SLC18A2: variants seen among roughly 807,000 people sequenced by gnomAD.
The protein encoded by SLC18A2 is synaptic vesicular amine transporter.
SLC18A2 carries 33 observed loss-of-function variants against 59.2 expected under a neutral mutation model. That is an observed-to-expected ratio of 0.56 (90% confidence interval 0.42 to 0.75). The LOEUF (loss-of-function observed/expected upper bound fraction) is 0.75. SLC18A2 is among the 30% of genes least tolerant of loss of function. The pLI, the probability that SLC18A2 is intolerant of heterozygous loss-of-function variation, is 0.00. For missense variants in SLC18A2, 569 were observed against 668.6 expected, an observed-to-expected ratio of 0.85 and a Z score of 1.64; for synonymous variants, 228 against 253.5, an observed-to-expected ratio of 0.90 and a Z score of 0.95.
At chr10:117,265,403 G>A (rs530792198) in intron 10 of SLC18A2, among the ~76,000 whole-genome samples, 101 of 152,150 alleles carry the variant, frequency 6.6e-4, no homozygotes, top group African/African-American at 2.3e-3. Flanking sequence ...GCAGGCACTC[G>A]GTCATCTGAT....
At chr10:117,256,845 G>T (rs977853818) in intron 9 of SLC18A2, among the ~76,000 whole-genome samples, 4 of 152,198 alleles carry the variant, frequency 2.6e-5, no homozygotes, top group African/African-American at 9.6e-5. Flanking sequence ...GCACGTCTGA[G>T]CAGGGCTGTG....
At chr10:117,256,298 G>A (rs1844229316) in intron 9 of SLC18A2, among the ~76,000 whole-genome samples, 2 of 152,204 alleles carry the variant, frequency 1.3e-5, no homozygotes, top group Non-Finnish European at 1.5e-5. Flanking sequence ...CCAGTGGTAG[G>A]AGGCTGCCTG....
At chr10:117,250,548 C>T (rs887473019) in intron 3 of SLC18A2, among the ~76,000 whole-genome samples, 2 of 152,156 alleles carry the variant, frequency 1.3e-5, no homozygotes, top group Admixed American at 1.3e-4. Context: ...TAAAAAGAAC[C>T]CTCTGTAGGC....
In SLC18A2 at chr10:117,255,593, A is replaced by G. The variant is rs756499159; in HGVS notation, c.835-4A>G. 6.2e-7 allele frequency: 1 copy of G among 1,613,718 alleles called. No individual in the cohort carries two copies. Among genetic ancestry groups the G allele is most frequent in the South Asian group, 1.1e-5 (1 of 91,040 alleles). On this transcript the variant is annotated splice_polypyrimidine_tract_variant and splice_region_variant and intron_variant, in intron 8 of 15. Transcript: ENST00000644641. ...GCTTCTGACCCGTGTTTTTTTCTTGACAGAGTCAGAAGGGGACACCCCTAA... is the reference window on the plus strand; with the variant it reads ...GCTTCTGACCCGTGTTTTTTTCTTGGCAGAGTCAGAAGGGGACACCCCTAA...
intron 10 of SLC18A2, among the ~76,000 whole-genome samples, chr10:117,265,970 G>A (rs1384235336): frequency 5.9e-5 from 9 of 151,764 alleles, no homozygotes; most frequent in Non-Finnish European, 8.8e-5. Flanking sequence ...CATGCCTGTC[G>A]TCTCAGCTAC....
chr10:117,267,321 A>T (rs1006257734), intron 12 of SLC18A2: 1 of 458,794 alleles, frequency 2.2e-6, no homozygotes. Context: ...AGGACAACCA[A>T]CCTGAAACAA....
chr10:117,266,456 C>T (rs363262), intron 10 of SLC18A2, among the ~76,000 whole-genome samples: 15,829 of 152,216 alleles, frequency 0.1, 1,091 homozygotes, highest in East Asian at 0.34. Flanking sequence ...TATTGGCCCA[C>T]GTGTGAAGCC....
chr10:117,260,415 T>G (rs566850968), intron 10 of SLC18A2, among the ~76,000 whole-genome samples: 1 of 152,308 alleles, frequency 6.6e-6, no homozygotes, highest in African/African-American at 2.4e-5. Flanking sequence ...ATTCCAGCAT[T>G]CTCTGCGGTG....
At chr10:117,255,784 G>A in intron 9 of SLC18A2, 127 bp downstream of exon 9, 1 of 794,034 alleles carries the variant, frequency 1.3e-6, no homozygotes, top group Non-Finnish European at 2.0e-6. Flanking sequence ...TAAAAAAACA[G>A]AAAAGGCAAA....
intron 4 of SLC18A2, 120 bp from the exon 5 acceptor site, chr10:117,253,928 A>G (rs1844194101): frequency 1.2e-6 from 1 of 850,372 alleles, no homozygotes; most frequent in Non-Finnish European, 1.9e-6. Context: ...GAACAAAAGC[A>G]CAGGGTGGCT....
chr10:117,267,604 A>C, intron 12 of SLC18A2, 69 bp from the exon 13 acceptor site: 1 of 1,232,916 alleles, frequency 8.1e-7, no homozygotes, highest in Non-Finnish European at 1.2e-6. Flanking sequence ...ACACAAGTTC[A>C]AGACTTTCCG....
At chr10:117,257,969 T>A in intron 10 of SLC18A2, 77 bp downstream of exon 10, 4 of 960,672 alleles carry the variant, frequency 4.2e-6, no homozygotes, top group Non-Finnish European at 6.3e-6. Context: ...GCATCCCTGC[T>A]GAGTTGCCCT....
chr10:117,241,516 CGTG>C (rs1286868040), intron 1 of SLC18A2, 160 bp from the exon 2 acceptor site: 1 of 727,654 alleles, frequency 1.4e-6, no homozygotes, highest in Non-Finnish European at 2.0e-6. Context: ...CGCGGGCTCT[CGTG>C]GGGACGCGCT....
At chr10:117,246,866 C>A (rs956176356) in intron 3 of SLC18A2, among the ~76,000 whole-genome samples, 6 of 152,128 alleles carry the variant, frequency 3.9e-5, no homozygotes, top group Non-Finnish European at 8.8e-5. Context: ...GTTGGCCAAG[C>A]TGGTGTCGAA....
chr10:117,243,162 A>G (rs1208744027), intron 2 of SLC18A2, among the ~76,000 whole-genome samples: 1 of 152,216 alleles, frequency 6.6e-6, no homozygotes, highest in East Asian at 1.9e-4. Context: ...CCAAGTTATT[A>G]CTTCCTGCAG....
At position 117,278,394 on chromosome 10, in the gene SLC18A2, G is replaced by A. The variant is rs1844530115; in HGVS notation, c.*1128G>A. On this transcript the variant is annotated 3_prime_UTR_variant, in exon 16 of 16. Transcript: ENST00000644641. Reference sequence around the variant, plus strand: ...TAGTGATCAGGCAGAAAAGAAAAATGGAACATCTAAAAATGTATGTGCTAA... The same window carrying A: ...TAGTGATCAGGCAGAAAAGAAAAATAGAACATCTAAAAATGTATGTGCTAA... The A allele has an allele frequency of 6.6e-6, 1 of 152,186 alleles. No individual in the cohort carries two copies. The highest frequency in any genetic ancestry group is 2.4e-5 in the African/African-American group (1 of 41,462). 9.4% of individuals were successfully genotyped at this position (152,186 alleles called of 1,614,324 possible).
At position 117,270,333 on chromosome 10, in the gene SLC18A2, C is replaced by G; in HGVS notation, c.1310C>G (p.Pro437Arg). 6.2e-7 allele frequency: 1 copy of G among 1,614,160 alleles called. No homozygotes were observed. The highest frequency in any genetic ancestry group is 1.3e-5 in the African/African-American group (1 of 75,048). ...CTAATTCTCTGTTTCCTGAAAGGTC[C>G]TTCTGCTGGTGGTGCTATTGCAAAG... ...VAFCMGYAIGPSAGGAIAKAI... is the reference protein window; with the variant it reads ...VAFCMGYAIGRSAGGAIAKAI... The change falls in exon 15 of 16, where the codon CCT (proline) becomes CGT (arginine). Residue 437 changes from proline to arginine, a missense_variant. Coordinates refer to ENST00000644641, the MANE Select transcript of SLC18A2 (RefSeq NM_003054.6).
At chr10:117,247,097 A>G (rs1844117722) in intron 3 of SLC18A2, among the ~76,000 whole-genome samples, 1 of 152,204 alleles carries the variant, frequency 6.6e-6, no homozygotes, top group Admixed American at 6.5e-5. Flanking sequence ...GGATTCAGAG[A>G]AGGGACAAAT....
chr10:117,270,106 T>C lies in SLC18A2; in HGVS notation c.1222T>C (p.Tyr408His). The C allele has an allele frequency of 6.2e-7, 1 of 1,614,252 alleles. No homozygotes were observed. The highest frequency in any genetic ancestry group is 8.5e-7 in the Non-Finnish European group (1 of 1,180,034). The change falls in exon 14 of 16, where the codon TAC (tyrosine) becomes CAC (histidine). Residue 408 changes from tyrosine (Y) to histidine (H), a missense_variant. This residue lies in a region of SLC18A2 where 192 missense variants were observed against 278.8 expected (regional missense o/e 0.69). Coordinates refer to ENST00000644641, the MANE Select transcript of SLC18A2 (RefSeq NM_003054.6). ...TTCGTCAATGATGCCTATCATGGGC[T>C]ACCTCGTAGACCTGCGGCACGTGTC... The part of the protein sequence containing the change: ...VDSSMMPIMG[Y>H]LVDLRHVSVY...
Sources: gnomAD v4.1 joint callset for allele counts (sites outside exome capture counted in the v4.1 genomes callset) on GRCh38, gnomAD v4.1.1 for gene constraint, gnomAD v4.1.1 regional missense constraint, MANE v1.5 for transcripts, NCBI Gene and HGNC (gene_info 2026-07-23, HGNC 2026-07-21) for gene names.